The following NPR3 variants were observed in gnomAD, a reference collection of about 807,000 sequenced individuals.
The protein encoded by NPR3 is natriuretic peptide receptor 3.
In NPR3, 34 loss-of-function variants were observed where a neutral mutation model predicts 54.5. The ratio of observed to expected loss-of-function variants is 0.62; its 90% CI spans 0.47 to 0.83. The LOEUF is 0.83. Among genes scored for constraint, NPR3 ranks in the 40% least tolerant of loss-of-function variants. NPR3 has a pLI of 0.00. For missense variants in NPR3, 674 were observed against 720.8 expected (o/e 0.94, Z 0.74); for synonymous variants, 289 against 297.1 (o/e 0.97, Z 0.28).
intron 4 of NPR3, among the ~76,000 whole-genome samples, chr5:32,775,624 T>C (rs1007010145): frequency 1.3e-5 from 2 of 151,868 alleles, no homozygotes; most frequent in Admixed American, 6.6e-5. Flanking sequence ...TGAGATGGAG[T>C]CTCGCTCTTG....
chr5:32,755,619 A>G (rs1464534830), intron 3 of NPR3, among the ~76,000 whole-genome samples: 1 of 152,246 alleles, frequency 6.6e-6, no homozygotes, highest in African/African-American at 2.4e-5. Flanking sequence ...GCTTAGAACT[A>G]GAGACGCATT....
At chr5:32,697,500 T>G (rs1186555098) in intron 1 of NPR3, among the ~76,000 whole-genome samples, 1 of 151,916 alleles carries the variant, frequency 6.6e-6, no homozygotes, top group East Asian at 1.9e-4. Flanking sequence ...TAACACTGGC[T>G]GCATAGAGTG....
chr5:32,764,632 A>G (rs1561120708), intron 3 of NPR3, among the ~76,000 whole-genome samples: 1 of 151,710 alleles, frequency 6.6e-6, no homozygotes, highest in African/African-American at 2.4e-5. Context: ...TACCAAAAAT[A>G]CAAAAGTTAG....
chr5:32,698,083 T>C (rs1740577255), intron 1 of NPR3, among the ~76,000 whole-genome samples: 1 of 152,100 alleles, frequency 6.6e-6, no homozygotes, highest in African/African-American at 2.4e-5. Flanking sequence ...CATTAGGTTG[T>C]TTAATTGAAG....
At chr5:32,698,992 G>A (rs112777585) in intron 1 of NPR3, among the ~76,000 whole-genome samples, 46 of 152,190 alleles carry the variant, frequency 3.0e-4, no homozygotes, top group African/African-American at 1.0e-3. Flanking sequence ...TGATAAGTAA[G>A]GACTTAACTC....
At chr5:32,755,916 C>T (rs895648486) in intron 3 of NPR3, among the ~76,000 whole-genome samples, 1 of 152,178 alleles carries the variant, frequency 6.6e-6, no homozygotes, top group Non-Finnish European at 1.5e-5. Context: ...ATCCATGTCC[C>T]TACAAAGGAC....
At chr5:32,772,502 G>A (rs1224010270) in intron 3 of NPR3, among the ~76,000 whole-genome samples, 1 of 152,192 alleles carries the variant, frequency 6.6e-6, no homozygotes, top group Non-Finnish European at 1.5e-5. Flanking sequence ...TGTCATACTG[G>A]GATGGAATTA....
chr5:32,789,801 G>A lies in NPR3; in HGVS notation c.*3456G>A. 1 of 504,352 alleles carries A rather than the reference G, an allele frequency of 2.0e-6. No individual in the cohort carries two copies. The allele number at this position is 504,352 out of a possible 1,614,324, so 31.2% of individuals were successfully genotyped here. On this transcript the variant is annotated 3_prime_UTR_variant, in exon 8 of 8. Transcript: ENST00000265074. ...CAGATAGTGATGGATTCAGAAAGTA[G>A]GTTCCAGTGGCGTCACTACCTTCTT...
chr5:32,739,176 TG>T, intron 3 of NPR3, 146 bp downstream of exon 3: 1 of 700,264 alleles, frequency 1.4e-6, no homozygotes, highest in Non-Finnish European at 2.2e-6. Context: ...TGTGTGTGTG[TG>T]TGTGTGTTTT....
rs1157112760 is a variant in NPR3 at position 32,715,615 on chromosome 5, T to C, written c.769+3070T>C. Among the ~76,000 whole-genome samples, 3 of 152,340 alleles carry C rather than the reference T, an allele frequency of 2.0e-5. No individual in the cohort carries two copies. In the East Asian group the frequency reaches 5.8e-4, roughly 29 times the overall value. On this transcript the variant is annotated intron_variant, in intron 1 of 7. Coordinates refer to ENST00000265074, the MANE Select transcript of NPR3 (RefSeq NM_001204375.2). ...AGCCTATATTATTTTTAAAAACAAT[T>C]ATCTTTATTTAAAATAGATTCACTT...
intron 1 of NPR3, 141 bp downstream of exon 1, chr5:32,712,686 C>A (rs1738323054): frequency 2.6e-6 from 2 of 761,256 alleles, no homozygotes; most frequent in Non-Finnish European, 4.2e-6. Flanking sequence ...TTCAGGTATG[C>A]GCCGTGTGGC....
chr5:32,721,454 C>T lies in NPR3; in HGVS notation c.770-3244C>T, dbSNP rs563643473. Among the ~76,000 whole-genome samples the T allele has an allele frequency of 9.1e-4, 139 of 152,214 alleles. 1 individual carries two copies. The South Asian group carries it at 0.012, about 13-fold the overall frequency. On this transcript the variant is annotated intron_variant, in intron 1 of 7. Transcript: ENST00000265074. The stretch of plus-strand genomic sequence containing the variant: ...ACGGTGGGCCGATCACTTAGCCTGG[C>T]CAACATGACAAAACTCTATCTATAC...
chr5:32,711,545 G>A lies in NPR3; in HGVS notation c.-232G>A. On this transcript the variant is annotated 5_prime_UTR_variant, in exon 1 of 8. It removes the in-frame stop codon of an upstream open reading frame in the 5' UTR. Transcript: ENST00000265074. The stretch of plus-strand genomic sequence containing the variant: ...ACAGACGCACAGGTTTACACCCGGT[G>A]AACTTTTTCTTTTTCTTTTTCTTTT... The A allele has an allele frequency of 4.4e-5, 22 of 498,866 alleles. No homozygotes were observed. Among genetic ancestry groups the A allele is most frequent in the Non-Finnish European group, 5.3e-5 (22 of 417,962 alleles). 30.9% of individuals were successfully genotyped at this position (498,866 alleles called of 1,614,324 possible). A position where few individuals can be genotyped will look rare whatever the true frequency, so the allele number is the denominator to read the frequency against.
chr5:32,765,029 G>A (rs1741378804), intron 3 of NPR3, among the ~76,000 whole-genome samples: 1 of 151,842 alleles, frequency 6.6e-6, no homozygotes, highest in African/African-American at 2.4e-5. Flanking sequence ...TTTTTTTATA[G>A]CAAAGTTGAT....
chr5:32,773,145 A>G (rs72742733), intron 3 of NPR3, among the ~76,000 whole-genome samples: 82 of 152,220 alleles, frequency 5.4e-4, no homozygotes, highest in Non-Finnish European at 1.1e-3. Context: ...TTTCCCCACT[A>G]AGCCATGCCA....
chr5:32,709,914 G>C (rs1005014780), upstream of NPR3: 1 of 152,174 alleles, frequency 6.6e-6, no homozygotes, highest in Non-Finnish European at 1.5e-5. Context: ...GAAAGAGGGC[G>C]TCGGTCTGAG....
At position 32,780,795 on chromosome 5, in the gene NPR3, T is replaced by C; in HGVS notation, c.1269T>C (p.Asp423=). 3 of 1,584,062 alleles carry C rather than the reference T, an allele frequency of 1.9e-6. No homozygotes were observed. The highest frequency in any genetic ancestry group is 2.6e-6 in the Non-Finnish European group (3 of 1,152,738). ...YGDFSVIAMT[D]VEAGTQEVIG... is the part of the protein sequence containing the mutation. ...ATTTCTCTGTGATTGCCATGACTGA[T>C]GTGGAGGCGGGCACCCAGGAGGTGA... Residue 423 remains aspartate, a synonymous_variant, in exon 5 of 8, where the codon GAT becomes GAC. Transcript: ENST00000265074.
chr5:32,752,503 T>A (rs1345285036), intron 3 of NPR3, among the ~76,000 whole-genome samples: 3 of 152,218 alleles, frequency 2.0e-5, no homozygotes, highest in African/African-American at 7.2e-5. Flanking sequence ...GCTGGGCTCT[T>A]CTGCTGGAGC....
At chr5:32,728,688 C>G (rs1739257260) in intron 2 of NPR3, among the ~76,000 whole-genome samples, 2 of 150,770 alleles carry the variant, frequency 1.3e-5, no homozygotes, top group Non-Finnish European at 1.5e-5. Context: ...TTTAAAAGAC[C>G]CTTCTATAAT....
Sources: gnomAD v4.1 joint callset for allele counts (sites outside exome capture counted in the v4.1 genomes callset) on GRCh38, gnomAD v4.1.1 for gene constraint, MANE v1.5 for transcripts, NCBI Gene and HGNC (gene_info 2026-07-23, HGNC 2026-07-21) for gene names.